The following KCND2 variants were observed in gnomAD, a reference collection of about 807,000 sequenced individuals.
KCND2 encodes the protein potassium voltage-gated channel subfamily D member 2, also known as A-type voltage-gated potassium channel KCND2.
KCND2 carries 16 observed loss-of-function variants against 54.4 expected under a neutral mutation model. The ratio of observed to expected loss-of-function variants is 0.29; its 90% CI spans 0.20 to 0.45. KCND2 has a LOEUF of 0.45. Among genes scored for constraint, KCND2 ranks in the 20% least tolerant of loss-of-function variants. The pLI is 1.00. For synonymous variants in KCND2, 317 were observed against 310.7 expected (o/e 1.02, Z -0.21); for missense variants, 486 against 824.2 (o/e 0.59, Z 5.02).
At chr7:120,700,670 T>C (rs1792389378) in intron 1 of KCND2, among the ~76,000 whole-genome samples, 1 of 152,206 alleles carries the variant, frequency 6.6e-6, no homozygotes, top group African/African-American at 2.4e-5. Flanking sequence ...AGGTCCTTCA[T>C]GAAATAAACA....
chr7:120,648,540 T>C lies in KCND2; in HGVS notation c.1116-84363T>C, dbSNP rs191053558. Among the ~76,000 whole-genome samples, 8 of 151,990 alleles carry C rather than the reference T, an allele frequency of 5.3e-5. No individual in the cohort carries two copies. In the East Asian group the frequency reaches 1.5e-3, roughly 29 times the overall value. ...GATGGAAGAAGGACCCTGAAAGGAGTAGATGAGGCAAAACAAAAGAGGTGA... is the reference window on the plus strand; with the variant it reads ...GATGGAAGAAGGACCCTGAAAGGAGCAGATGAGGCAAAACAAAAGAGGTGA... On this transcript the variant is annotated intron_variant, in intron 1 of 5. Coordinates refer to ENST00000331113, the MANE Select transcript of KCND2 (RefSeq NM_012281.3).
At chr7:120,731,331 C>T (rs1347702795) in intron 1 of KCND2, among the ~76,000 whole-genome samples, 1 of 152,132 alleles carries the variant, frequency 6.6e-6, no homozygotes, top group African/African-American at 2.4e-5. Context: ...GGAAATGTTA[C>T]AGAGAATGAA....
intron 1 of KCND2, among the ~76,000 whole-genome samples, chr7:120,515,126 C>T (rs1287802092): frequency 3.3e-5 from 5 of 152,022 alleles, no homozygotes; most frequent in Non-Finnish European, 7.4e-5. Context: ...CTCACTCTTC[C>T]CATTGGGTTA....
intron 1 of KCND2, among the ~76,000 whole-genome samples, chr7:120,681,835 AC>A (rs1403288399): frequency 9.9e-5 from 15 of 152,178 alleles, no homozygotes; most frequent in African/African-American, 3.6e-4. Flanking sequence ...AATGTCCTTT[AC>A]CGAATGTCCA....
chr7:120,410,013 CTTATGT>C (rs1228443838), intron 1 of KCND2, among the ~76,000 whole-genome samples: 31 of 151,808 alleles, frequency 2.0e-4, no homozygotes, highest in Admixed American at 5.9e-4. Flanking sequence ...GATCTTGGCT[CTTATGT>C]TTAAGTTTAT....
chr7:120,622,102 C>T lies in KCND2; in HGVS notation c.1116-110801C>T, dbSNP rs539052195. Reference sequence around the variant, plus strand: ...CTTACAATATACTCTATATATTGTACGTGATTATATGGAAAAGGAGAATGT... The same window carrying T: ...CTTACAATATACTCTATATATTGTATGTGATTATATGGAAAAGGAGAATGT... On this transcript the variant is annotated intron_variant, in intron 1 of 5. Coordinates refer to ENST00000331113, the MANE Select transcript of KCND2 (RefSeq NM_012281.3). 3.3e-5 allele frequency among the ~76,000 whole-genome samples: 5 copies of T among 151,720 alleles called. No individual in the cohort carries two copies. In the South Asian group the frequency reaches 1.0e-3, roughly 32 times the overall value.
chr7:120,511,076 A>T (rs1469300398), intron 1 of KCND2, among the ~76,000 whole-genome samples: 3 of 149,090 alleles, frequency 2.0e-5, no homozygotes, highest in African/African-American at 7.4e-5. Flanking sequence ...CTAACTACTG[A>T]CTCCTTACCA....
At chr7:120,345,595 A>G (rs1431348227) in intron 1 of KCND2, among the ~76,000 whole-genome samples, 1 of 152,116 alleles carries the variant, frequency 6.6e-6, no homozygotes, top group Non-Finnish European at 1.5e-5. Context: ...TTCTGTTTCT[A>G]TGAATTTGAC....
rs769956684 is a variant in KCND2 at position 120,588,000 on chromosome 7, T to G, written c.1116-144903T>G. On this transcript the variant is annotated intron_variant, in intron 1 of 5. Transcript: ENST00000331113. ...ATATGTTTATATTCATGTTCATTTG[T>G]AAAGCCTAAAATGTCAGTCAGTGAA... is the stretch of plus-strand genomic sequence containing the variant. Among the ~76,000 whole-genome samples the G allele has an allele frequency of 3.9e-5, 6 of 152,292 alleles. 1 individual carries two copies. The South Asian group carries it at 1.2e-3, about 32-fold the overall frequency.
intron 1 of KCND2, among the ~76,000 whole-genome samples, chr7:120,314,042 G>T (rs1047186940): frequency 3.5e-5 from 5 of 142,062 alleles, no homozygotes; most frequent in African/African-American, 1.3e-4. Context: ...ATACAGTAAG[G>T]ACACTTTTAT....
chr7:120,331,225 C>G (rs1800064415), intron 1 of KCND2, among the ~76,000 whole-genome samples: 1 of 151,710 alleles, frequency 6.6e-6, no homozygotes, highest in South Asian at 2.1e-4. Context: ...GTCATGTTGC[C>G]CAGAACTTAA....
intron 1 of KCND2, among the ~76,000 whole-genome samples, chr7:120,448,250 A>G (rs1563049253): frequency 6.7e-6 from 1 of 150,020 alleles, no homozygotes; most frequent in African/African-American, 2.5e-5. Context: ...TCATTGTTCA[A>G]TTCCCACCCA....
intron 1 of KCND2, among the ~76,000 whole-genome samples, chr7:120,552,431 A>C (rs1449493569): frequency 6.6e-6 from 1 of 152,220 alleles, no homozygotes; most frequent in East Asian, 1.9e-4. Context: ...CAGATTAACA[A>C]GAGAAAAGCA....
chr7:120,686,215 C>T (rs1315281887), intron 1 of KCND2, among the ~76,000 whole-genome samples: 2 of 152,018 alleles, frequency 1.3e-5, no homozygotes, highest in Admixed American at 1.3e-4. Context: ...CTGAAATGAA[C>T]ATGGGAGTGC....
intron 1 of KCND2, among the ~76,000 whole-genome samples, chr7:120,459,554 C>T (rs1184235503): frequency 6.6e-6 from 1 of 152,116 alleles, no homozygotes; most frequent in Non-Finnish European, 1.5e-5. Context: ...TATAACTCCT[C>T]CTTTAACATG....
intron 1 of KCND2, among the ~76,000 whole-genome samples, chr7:120,688,344 C>T (rs562962788): frequency 6.6e-6 from 1 of 152,254 alleles, no homozygotes; most frequent in Admixed American, 6.5e-5. Flanking sequence ...CGCAAGCAAA[C>T]ATGGCTGAGT....
intron 1 of KCND2, among the ~76,000 whole-genome samples, chr7:120,407,210 A>G (rs1801374261): frequency 6.6e-6 from 1 of 152,032 alleles, no homozygotes; most frequent in African/African-American, 2.4e-5. Context: ...CACAGCGTAG[A>G]TGTGTACATA....
chr7:120,406,621 T>TGG (rs1801364483), intron 1 of KCND2, among the ~76,000 whole-genome samples: 1 of 152,004 alleles, frequency 6.6e-6, no homozygotes, highest in Non-Finnish European at 1.5e-5. Context: ...TAGGCAATAA[T>TGG]TGCTAAAGGA....
intron 1 of KCND2, among the ~76,000 whole-genome samples, chr7:120,472,825 C>T (rs780583061): frequency 3.9e-5 from 6 of 152,134 alleles, no homozygotes; most frequent in Non-Finnish European, 8.8e-5. Context: ...CTAGGGAAGA[C>T]ATATAGGAAC....
Sources: gnomAD v4.1 joint callset for allele counts (sites outside exome capture counted in the v4.1 genomes callset) on GRCh38, gnomAD v4.1.1 for gene constraint, MANE v1.5 for transcripts, NCBI Gene and HGNC (gene_info 2026-07-23, HGNC 2026-07-21) for gene names.